PLCB4: variants seen among roughly 807,000 people sequenced by gnomAD.
PLCB4 encodes phospholipase C beta 4, also known as 1-phosphatidylinositol 4,5-bisphosphate phosphodiesterase beta-4.
Under a neutral mutation model 178.8 loss-of-function variants are expected in PLCB4, and 77 were observed. The ratio of observed to expected loss-of-function variants is 0.43; its 90% CI spans 0.36 to 0.52. The LOEUF (loss-of-function observed/expected upper bound fraction) is 0.52. PLCB4 is among the 20% of genes least tolerant of loss of function. The pLI is 0.00. For missense variants in PLCB4, 1,024 were observed against 1,453.4 expected (o/e 0.70, Z 4.80); for synonymous variants, 496 against 490.8 (o/e 1.01, Z -0.14).
At chr20:9,198,245 AG>A (rs138959470) in intron 2 of PLCB4, among the ~76,000 whole-genome samples, 1 of 152,304 alleles carries the variant, frequency 6.6e-6, no homozygotes, top group African/African-American at 2.4e-5. Context: ...TTTTTCTCAA[AG>A]GTGTCTGTCA....
At chr20:9,227,499 A>G (rs2093881536) in intron 3 of PLCB4, among the ~76,000 whole-genome samples, 1 of 152,120 alleles carries the variant, frequency 6.6e-6, no homozygotes, top group Non-Finnish European at 1.5e-5. Flanking sequence ...CATCCTGAAT[A>G]TGATGTGAGG....
At chr20:9,081,206 G>T (rs558855855) in intron 1 of PLCB4, among the ~76,000 whole-genome samples, 1 of 152,264 alleles carries the variant, frequency 6.6e-6, no homozygotes, top group South Asian at 2.1e-4. Context: ...ATCTTTGCCC[G>T]TTGACTCCAT....
chr20:9,259,347 T>C (rs1474491603), intron 3 of PLCB4, among the ~76,000 whole-genome samples: 1 of 152,150 alleles, frequency 6.6e-6, no homozygotes, highest in Non-Finnish European at 1.5e-5. Context: ...TTTAAAAACG[T>C]GTAAAAAATA....
chr20:9,261,878 T>C (rs1028840202), intron 3 of PLCB4, among the ~76,000 whole-genome samples: 1 of 152,192 alleles, frequency 6.6e-6, no homozygotes, highest in Non-Finnish European at 1.5e-5. Flanking sequence ...CATGGAGCTA[T>C]ATACCCTTGC....
chr20:9,072,753 G>A (rs1177073785), intron 1 of PLCB4, among the ~76,000 whole-genome samples: 1 of 152,170 alleles, frequency 6.6e-6, no homozygotes, highest in African/African-American at 2.4e-5. Context: ...TTCTAGAGGA[G>A]ATGAAAGTAA....
intron 3 of PLCB4, among the ~76,000 whole-genome samples, chr20:9,250,834 T>A (rs2094173121): frequency 6.6e-6 from 1 of 152,216 alleles, no homozygotes; most frequent in Non-Finnish European, 1.5e-5. Context: ...TCTGTTAACT[T>A]ATGAACTGAA....
At chr20:9,405,160 A>G (rs555111672) in intron 20 of PLCB4, among the ~76,000 whole-genome samples, 153 bp from the exon 21 acceptor site, 4 of 152,342 alleles carry the variant, frequency 2.6e-5, no homozygotes, top group Admixed American at 6.5e-5. Flanking sequence ...GAGGCCATCC[A>G]TGGCTTTTTG....
chr20:9,455,234 C>G (rs1231993317), intron 33 of PLCB4, among the ~76,000 whole-genome samples: 3 of 152,128 alleles, frequency 2.0e-5, no homozygotes, highest in Admixed American at 6.6e-5. Flanking sequence ...TTTGTATTTA[C>G]AAGATATCTT....
chr20:9,314,622 C>T (rs564479635), intron 4 of PLCB4, among the ~76,000 whole-genome samples: 3 of 152,176 alleles, frequency 2.0e-5, no homozygotes, highest in Admixed American at 2.0e-4. Context: ...TTCTGTAGTA[C>T]CTAAGAAGCA....
intron 1 of PLCB4, among the ~76,000 whole-genome samples, chr20:9,082,417 T>C (rs544388895): frequency 6.0e-4 from 92 of 152,262 alleles, no homozygotes; most frequent in African/African-American, 2.1e-3. Flanking sequence ...GTGAAAAGAG[T>C]GTCTTTGACA....
intron 2 of PLCB4, among the ~76,000 whole-genome samples, chr20:9,212,324 G>A (rs1416529355): frequency 6.6e-6 from 1 of 152,162 alleles, no homozygotes; most frequent in Non-Finnish European, 1.5e-5. Context: ...TTAAGTCAGA[G>A]TAAAATGATC....
At chr20:9,153,593 T>G (rs1449261915) in intron 2 of PLCB4, among the ~76,000 whole-genome samples, 1 of 152,162 alleles carries the variant, frequency 6.6e-6, no homozygotes, top group African/African-American at 2.4e-5. Flanking sequence ...TTCTTCCCGG[T>G]CTCGGATATG....
chr20:9,398,524 A>C (rs1177649934), intron 19 of PLCB4, among the ~76,000 whole-genome samples: 1 of 152,178 alleles, frequency 6.6e-6, no homozygotes, highest in Admixed American at 6.5e-5. Flanking sequence ...TAAAATATGT[A>C]AGGCATTACT....
chr20:9,434,715 A>G (rs2041656200), intron 28 of PLCB4, among the ~76,000 whole-genome samples: 1 of 140,708 alleles, frequency 7.1e-6, no homozygotes, highest in Non-Finnish European at 1.5e-5. Flanking sequence ...AAAAAGGAAA[A>G]GAAAAAAAAA....
chr20:9,109,114 C>T (rs1355953106), intron 2 of PLCB4, among the ~76,000 whole-genome samples: 1 of 152,110 alleles, frequency 6.6e-6, no homozygotes, highest in Non-Finnish European at 1.5e-5. Flanking sequence ...AATACTTTCC[C>T]TGATACTTAA....
Position 9,099,550 on chromosome 20 carries a change from G to A in PLCB4, c.-79+3208G>A, listed in dbSNP as rs564260241. Among the ~76,000 whole-genome samples, 24 of 152,112 alleles carry A rather than the reference G, an allele frequency of 1.6e-4. No homozygotes were observed. In the South Asian group the frequency reaches 5.0e-3, roughly 32 times the overall value. ...TGCTCATTAGCTACATGTGGCTAGAGGGCAGCACATAGAACATTATCATCA... is the reference window on the plus strand; with the variant it reads ...TGCTCATTAGCTACATGTGGCTAGAAGGCAGCACATAGAACATTATCATCA... On this transcript the variant is annotated intron_variant, in intron 2 of 39. Transcript: ENST00000378473.
intron 27 of PLCB4, among the ~76,000 whole-genome samples, chr20:9,422,337 A>C (rs1169199925): frequency 6.6e-6 from 1 of 152,238 alleles, no homozygotes; most frequent in African/African-American, 2.4e-5. Flanking sequence ...TTGATGAAAC[A>C]GGCCATTTTG....
chr20:9,355,965 CCTGA>C (rs1260477086), intron 7 of PLCB4, among the ~76,000 whole-genome samples: 3 of 152,148 alleles, frequency 2.0e-5, no homozygotes, highest in South Asian at 2.1e-4. Flanking sequence ...CCTGTTGTTT[CCTGA>C]CTGTTTAATG....
At chr20:9,401,725 C>A in intron 20 of PLCB4, 135 bp downstream of exon 20, 1 of 626,690 alleles carries the variant, frequency 1.6e-6, no homozygotes. Flanking sequence ...CGAGTCTGTG[C>A]TGGGTGACCA....
Sources: gnomAD v4.1 joint callset for allele counts (sites outside exome capture counted in the v4.1 genomes callset) on GRCh38, gnomAD v4.1.1 for gene constraint, MANE v1.5 for transcripts, NCBI Gene and HGNC (gene_info 2026-07-23, HGNC 2026-07-21) for gene names.